OR2L13: variants seen among roughly 807,000 people sequenced by gnomAD.
The protein encoded by OR2L13 is olfactory receptor 2L13.
OR2L13 carries 14 observed loss-of-function variants against 15.3 expected under a neutral mutation model. The observed-to-expected ratio is 0.91, with a 90% CI of 0.60 to 1.43. OR2L13 has a LOEUF of 1.43. OR2L13 is among the 40% of genes most tolerant of loss of function. OR2L13 has a pLI of 0.00. For synonymous variants in OR2L13, 152 were observed against 142.9 expected (o/e 1.06, Z -0.45); for missense variants, 367 against 387.9 (o/e 0.95, Z 0.45).
chr1:247,956,917 C>G, the OR2L13 span, among the ~76,000 whole-genome samples: 1 of 152,088 alleles, frequency 6.6e-6, no homozygotes, highest in South Asian at 2.1e-4. Context: ...TCCTCTTTTC[C>G]CAGTTGAATC....
chr1:247,941,838 C>T, the OR2L13 span, among the ~76,000 whole-genome samples: 6 of 152,100 alleles, frequency 3.9e-5, no homozygotes, highest in Admixed American at 6.5e-5. Flanking sequence ...TTATTCTCTT[C>T]GGCATCTTAA....
chr1:248,023,843 A>T, the OR2L13 span: 1 of 152,162 alleles, frequency 6.6e-6, no homozygotes, highest in Non-Finnish European at 1.5e-5. Context: ...TGAACAAGTA[A>T]GAGAAAAGCC....
At chr1:248,089,642 G>A in the OR2L13 span, among the ~76,000 whole-genome samples, 1 of 152,146 alleles carries the variant, frequency 6.6e-6, no homozygotes, top group African/African-American at 2.4e-5. Context: ...AGGGTACTTA[G>A]TTCCTTTATA....
chr1:248,044,216 T>C, the OR2L13 span, among the ~76,000 whole-genome samples: 100 of 152,260 alleles, frequency 6.6e-4, no homozygotes, highest in African/African-American at 2.4e-3. Flanking sequence ...GTTACCAAGA[T>C]TGTAGCCTCC....
chr1:248,061,318 A>G, the OR2L13 span: 52 of 1,613,416 alleles, frequency 3.2e-5, no homozygotes, highest in Non-Finnish European at 4.2e-5. Context: ...CTTCATTGCT[A>G]TTTCATGTTC....
the OR2L13 span, among the ~76,000 whole-genome samples, chr1:247,940,755 T>TGTGC: frequency 1.2e-4 from 18 of 150,584 alleles, no homozygotes; most frequent in Non-Finnish European, 2.2e-4. Flanking sequence ...TGTGTGTGTG[T>TGTGC]GCGCGCGCTA....
At chr1:247,998,542 T>C in the OR2L13 span, among the ~76,000 whole-genome samples, 1 of 152,144 alleles carries the variant, frequency 6.6e-6, no homozygotes, top group Non-Finnish European at 1.5e-5. Flanking sequence ...TTACCTTATA[T>C]GAATCCAGCC....
At chr1:247,965,891 G>A in the OR2L13 span, 15 of 1,613,326 alleles carry the variant, frequency 9.3e-6, no homozygotes, top group South Asian at 3.3e-5. Flanking sequence ...TGTAGGTCTC[G>A]GCTCATTAAC....
At chr1:248,067,463 TC>T in the OR2L13 span, among the ~76,000 whole-genome samples, 4 of 152,236 alleles carry the variant, frequency 2.6e-5, no homozygotes, top group East Asian at 7.7e-4. Flanking sequence ...CTCATATTAT[TC>T]TTTTTGTAGA....
At chr1:248,018,385 A>G in the OR2L13 span, among the ~76,000 whole-genome samples, 7 of 152,274 alleles carry the variant, frequency 4.6e-5, no homozygotes, top group East Asian at 1.9e-4. Context: ...TACAAATAGC[A>G]CCTATTCTAC....
At chr1:247,996,767 C>T in the OR2L13 span, among the ~76,000 whole-genome samples, 1 of 152,134 alleles carries the variant, frequency 6.6e-6, no homozygotes, top group African/African-American at 2.4e-5. Flanking sequence ...GTTTTGTCAT[C>T]TGTCTTTTGA....
the OR2L13 span, chr1:248,063,144 G>A: frequency 6.6e-6 from 1 of 152,098 alleles, no homozygotes; most frequent in African/African-American, 2.4e-5. Flanking sequence ...AATGTCATTG[G>A]TATTTTGATA....
chr1:248,084,332 C>G, the OR2L13 span: 2 of 1,612,348 alleles, frequency 1.2e-6, no homozygotes, highest in East Asian at 4.5e-5. Flanking sequence ...GGGAGATGGC[C>G]TTATTTCCGG....
chr1:248,004,163 GC>G, the OR2L13 span: 2 of 1,044,444 alleles, frequency 1.9e-6, no homozygotes, highest in Non-Finnish European at 2.6e-6. Context: ...GAGTTCAGGA[GC>G]AAAAAGTAAT....
the OR2L13 span, among the ~76,000 whole-genome samples, chr1:248,081,093 C>T: frequency 6.6e-6 from 1 of 152,094 alleles, no homozygotes; most frequent in African/African-American, 2.4e-5. Flanking sequence ...AATGTATCTT[C>T]AATATAAGTG....
chr1:248,000,066 A>G, the OR2L13 span, among the ~76,000 whole-genome samples: 1 of 150,812 alleles, frequency 6.6e-6, no homozygotes, highest in African/African-American at 2.4e-5. Flanking sequence ...CTTGCAGGTA[A>G]GCCAACTTGT....
At chr1:248,005,412 T>C in the OR2L13 span, among the ~76,000 whole-genome samples, 4 of 152,164 alleles carry the variant, frequency 2.6e-5, no homozygotes, top group African/African-American at 9.7e-5. Flanking sequence ...TCTATGTGTC[T>C]TTTTTATGCC....
At chr1:247,942,659 A>T in the OR2L13 span, among the ~76,000 whole-genome samples, 4 of 152,288 alleles carry the variant, frequency 2.6e-5, no homozygotes, top group Admixed American at 6.5e-5. Flanking sequence ...CAAAATTTTT[A>T]AAAAATGTAT....
the OR2L13 span, among the ~76,000 whole-genome samples, chr1:247,951,886 G>C: frequency 6.6e-6 from 1 of 152,254 alleles, no homozygotes; most frequent in East Asian, 1.9e-4. Flanking sequence ...TGCTGCTTCT[G>C]TCATCACCAT....
Sources: allele counts gnomAD v4.1 joint callset (sites outside exome capture counted in the v4.1 genomes callset), GRCh38; gene constraint gnomAD v4.1.1; transcripts MANE v1.5; gene names NCBI Gene and HGNC (gene_info 2026-07-23, HGNC 2026-07-21).